The following PCDH15 variants were observed in gnomAD, a reference collection of about 807,000 sequenced individuals.
The protein encoded by PCDH15 is protocadherin-15.
Under a neutral mutation model 178.5 loss-of-function variants are expected in PCDH15, and 129 were observed. The ratio of observed to expected loss-of-function variants is 0.72; its 90% CI spans 0.63 to 0.84. The LOEUF (loss-of-function observed/expected upper bound fraction) is 0.84, where lower values mean the gene tolerates loss of function less well. Ranked by LOEUF, PCDH15 falls within the 40% of genes least tolerant of loss-of-function variation. PCDH15 has a pLI of 0.00. For synonymous variants in PCDH15, 800 were observed against 732.0 expected, an observed-to-expected ratio of 1.09 and a Z score of -1.50; for missense variants, 2,230 against 2,099.9, an observed-to-expected ratio of 1.06 and a Z score of -1.21.
intron 2 of PCDH15, among the ~76,000 whole-genome samples, chr10:55,594,963 A>T (rs956320794): frequency 5.3e-5 from 8 of 152,006 alleles, no homozygotes; most frequent in African/African-American, 1.9e-4. Flanking sequence ...TGATTTCTAG[A>T]TCTGTTGGGA....
Position 54,400,632 on chromosome 10 carries a change from GA to G in PCDH15, c.158-21691del, listed in dbSNP as rs377106135. Among the ~76,000 whole-genome samples the G allele has an allele frequency of 4.1e-3, 629 of 152,094 alleles. 5 individuals carry two copies. Among genetic ancestry groups the G allele is most frequent in the African/African-American group, 0.014 (596 of 41,516 alleles). On this transcript the variant is annotated intron_variant, in intron 3 of 37. Coordinates refer to ENST00000644397, the MANE Select transcript of PCDH15 (RefSeq NM_001384140.1). ...TAATATGTACTCTTTCAGTGCCCTG[GA>G]AAAGACAATAGGAGCCTGATACAAT...
chr10:55,210,599 T>TTTTTTTC (rs1564895302), intron 1 of PCDH15, among the ~76,000 whole-genome samples: 1 of 148,918 alleles, frequency 6.7e-6, no homozygotes, highest in South Asian at 2.1e-4. Context: ...TCTCACGATT[T>TTTTTTTC]TTTTTTCTTT....
chr10:55,298,858 A>G (rs1365243935), intron 1 of PCDH15, among the ~76,000 whole-genome samples: 2 of 152,136 alleles, frequency 1.3e-5, no homozygotes, highest in African/African-American at 4.8e-5. Flanking sequence ...GATTACAGGC[A>G]TGAGCCACCG....
chr10:55,386,583 A>T (rs905144051), intron 2 of PCDH15, among the ~76,000 whole-genome samples: 2 of 152,070 alleles, frequency 1.3e-5, no homozygotes, highest in African/African-American at 4.8e-5. Flanking sequence ...TGTCCCTTTC[A>T]TTTCACTGTT....
At position 53,803,006 on chromosome 10, in the gene PCDH15, A is replaced by G. The variant is rs922359284; in HGVS notation, c.*3573T>C. The G allele has an allele frequency of 1.3e-5, 2 of 151,886 alleles. No individual in the cohort carries two copies. The highest frequency in any genetic ancestry group is 4.8e-5 in the African/African-American group (2 of 41,418). The allele number at this position is 151,886 out of a possible 1,614,324, so 9.4% of individuals were successfully genotyped here. On this transcript the variant is annotated 3_prime_UTR_variant, in exon 38 of 38. Transcript: ENST00000644397. ...GACCATAAATTTAAAGTAGATTGCA[A>G]TGAAAAAAATACCAGTCTATAACTA...
At chr10:55,334,325 G>T (rs1367610266) in intron 2 of PCDH15, among the ~76,000 whole-genome samples, 32 of 102,642 alleles carry the variant, frequency 3.1e-4, no homozygotes, top group Middle Eastern at 5.5e-3. Context: ...TTTTTTTTTT[G>T]AGACAGAGTT....
chr10:54,106,018 G>C (rs932142357), intron 15 of PCDH15, among the ~76,000 whole-genome samples: 1 of 152,060 alleles, frequency 6.6e-6, no homozygotes, highest in Non-Finnish European at 1.5e-5. Context: ...CTAAGCAAAA[G>C]TAACCAGATA....
intron 2 of PCDH15, among the ~76,000 whole-genome samples, chr10:55,329,031 G>T (rs1356861198): frequency 1.4e-5 from 2 of 148,136 alleles, no homozygotes; most frequent in Non-Finnish European, 3.0e-5. Flanking sequence ...GTGTGTTTGT[G>T]TGTGTGTGTA....
chr10:55,533,484 C>T (rs1326723918), intron 2 of PCDH15, among the ~76,000 whole-genome samples: 2 of 151,720 alleles, frequency 1.3e-5, no homozygotes, highest in Non-Finnish European at 2.9e-5. Flanking sequence ...ACAATAGCCG[C>T]AAATAAAATG....
chr10:55,408,706 T>C (rs1838263833), intron 2 of PCDH15, among the ~76,000 whole-genome samples: 1 of 152,124 alleles, frequency 6.6e-6, no homozygotes, highest in South Asian at 2.1e-4. Context: ...CCCCCAGCTA[T>C]CACAAATGCA....
At chr10:55,480,908 A>G (rs1840164717) in intron 2 of PCDH15, among the ~76,000 whole-genome samples, 1 of 151,710 alleles carries the variant, frequency 6.6e-6, no homozygotes, top group South Asian at 2.1e-4. Context: ...ATCAGTAGGT[A>G]TGGTACAGGA....
chr10:55,511,667 C>T (rs1840888165), intron 2 of PCDH15, among the ~76,000 whole-genome samples: 1 of 151,960 alleles, frequency 6.6e-6, no homozygotes, highest in African/African-American at 2.4e-5. Context: ...ATGTATTTCT[C>T]TCCTCCTTAA....
rs117362605 is a variant in PCDH15, at chr10:54,261,872, G to A, written c.877-24941C>T. On this transcript the variant is annotated intron_variant, in intron 8 of 37. Transcript: ENST00000644397. ...GAGGAACCCAAATATCCAGTAAACC[G>A]TCACATTTTAAACAGATCTTTTGAG... is the stretch of plus-strand genomic sequence containing the variant. Among the ~76,000 whole-genome samples the A allele has an allele frequency of 5.6e-3, 845 of 152,210 alleles. 6 individuals carry two copies. Among genetic ancestry groups the A allele is most frequent in the Non-Finnish European group, 8.8e-3 (597 of 68,026 alleles).
intron 1 of PCDH15, among the ~76,000 whole-genome samples, chr10:54,698,600 A>G (rs1023945524): frequency 1.3e-5 from 2 of 152,150 alleles, no homozygotes; most frequent in Admixed American, 6.6e-5. Flanking sequence ...CACCCTCTAC[A>G]TCATTTCAAA....
chr10:54,418,312 C>T (rs988705665), intron 3 of PCDH15, among the ~76,000 whole-genome samples: 7 of 151,830 alleles, frequency 4.6e-5, no homozygotes, highest in African/African-American at 1.7e-4. Flanking sequence ...TATGTGTATA[C>T]ATAATTTAAA....
Position 55,285,013 on chromosome 10 carries a change from A to C in PCDH15, c.-156+34586T>G, listed in dbSNP as rs151017545. Among the ~76,000 whole-genome samples the C allele has an allele frequency of 6.1e-3, 928 of 151,810 alleles. 15 individuals are homozygous for C. The highest frequency in any genetic ancestry group is 0.021 in the African/African-American group (883 of 41,498). On this transcript the variant is annotated intron_variant, in intron 1 of 5. Coordinates refer to the PCDH15 transcript ENST00000458638. ...GGAAGTGAGATCGCTTCAAATTCTT[A>C]TTTAGAGTATATTAAATATTAACTA...
chr10:54,894,186 C>T (rs66508067), intron 3 of PCDH15, among the ~76,000 whole-genome samples: 34,206 of 151,930 alleles, frequency 0.23, 4,531 homozygotes, highest in Non-Finnish European at 0.31. Flanking sequence ...AGAGACAACA[C>T]TAATACAATG....
At position 55,281,905 on chromosome 10, in the gene PCDH15, C is replaced by T. The variant is rs116231095; in HGVS notation, c.-156+37694G>A. On this transcript the variant is annotated intron_variant, in intron 1 of 5. Coordinates refer to the PCDH15 transcript ENST00000458638. ...AACTTTTCTAAGTTCTATGATTTTGCTCCGAAATATTTATAAAAAAGTCTA... is the reference window on the plus strand; with the variant it reads ...AACTTTTCTAAGTTCTATGATTTTGTTCCGAAATATTTATAAAAAAGTCTA... 2.2e-3 allele frequency among the ~76,000 whole-genome samples: 328 copies of T among 152,138 alleles called. 2 individuals carry two copies. Among genetic ancestry groups the T allele is most frequent in the African/African-American group, 6.5e-3 (270 of 41,506 alleles).
chr10:54,565,888 C>T (rs897637673), intron 2 of PCDH15, among the ~76,000 whole-genome samples: 14 of 148,430 alleles, frequency 9.4e-5, no homozygotes, highest in Admixed American at 9.4e-4. Flanking sequence ...AGTTTGAGAC[C>T]AGCCTGACCA....
Sources: gnomAD v4.1 joint callset for allele counts (sites outside exome capture counted in the v4.1 genomes callset) on GRCh38, gnomAD v4.1.1 for gene constraint, MANE v1.5 for transcripts, NCBI Gene and HGNC (gene_info 2026-07-23, HGNC 2026-07-21) for gene names.